Variants in NPAS3 observed in about 807,000 individuals in gnomAD.
The protein encoded by NPAS3 is neuronal PAS domain-containing protein 3.
Under a neutral mutation model 73.1 loss-of-function variants are expected in NPAS3, and 14 were observed. The ratio of observed to expected loss-of-function variants is 0.19; its 90% confidence interval spans 0.13 to 0.30. NPAS3 has a LOEUF of 0.30. NPAS3 is among the 10% of genes least tolerant of loss of function. The probability of loss-of-function intolerance (pLI) is 1.00; values close to 1 mark genes in which losing one functional copy is unlikely to be tolerated. For missense variants in NPAS3, 1,096 were observed against 1,250.0 expected, an observed-to-expected ratio of 0.88 and a Z score of 1.86; for synonymous variants, 620 against 541.5, an observed-to-expected ratio of 1.14 and a Z score of -2.01.
rs138793319 is a variant in NPAS3, at chr14:33,146,620, A to G, written c.141-68562A>G. On this transcript the variant is annotated intron_variant, in intron 2 of 11. Coordinates refer to ENST00000356141, the Ensembl canonical transcript of NPAS3. ...TGCAGAAGAGGAAAACAACAACAGT[A>G]ATATTCTACAATAAAAGACTGTTCT... 2.6e-3 allele frequency among the ~76,000 whole-genome samples: 402 copies of G among 152,328 alleles called. 2 individuals carry two copies. The highest frequency in any genetic ancestry group is 9.3e-3 in the African/African-American group (386 of 41,574).
intron 4 of NPAS3, among the ~76,000 whole-genome samples, chr14:33,427,517 A>G (rs1372791712): frequency 6.6e-6 from 1 of 151,596 alleles, no homozygotes; most frequent in Non-Finnish European, 1.5e-5. Flanking sequence ...GTGCCGGAGC[A>G]TCACCCTCTC....
intron 3 of NPAS3, among the ~76,000 whole-genome samples, chr14:33,273,277 G>A (rs1034976914): frequency 4.0e-4 from 61 of 152,108 alleles, no homozygotes; most frequent in Admixed American, 2.5e-3. Flanking sequence ...TTGGTTCTGA[G>A]TTCATCCTCT....
chr14:33,376,438 C>T (rs1724247886), intron 4 of NPAS3, among the ~76,000 whole-genome samples: 1 of 151,836 alleles, frequency 6.6e-6, no homozygotes, highest in Non-Finnish European at 1.5e-5. Context: ...TCAGTATATG[C>T]TTTTTTTTCC....
chr14:33,259,438 T>G (rs1462811084), intron 3 of NPAS3, among the ~76,000 whole-genome samples: 2 of 152,230 alleles, frequency 1.3e-5, no homozygotes, highest in African/African-American at 2.4e-5. Context: ...TTTACTTTTA[T>G]GATTTCACTT....
intron 6 of NPAS3, among the ~76,000 whole-genome samples, chr14:33,719,694 G>T (rs1225188358): frequency 2.0e-5 from 3 of 152,066 alleles, no homozygotes; most frequent in African/African-American, 7.2e-5. Context: ...TCTCTTCAAC[G>T]AGTCACCAGC....
At chr14:33,768,384 A>T (rs180693962) in intron 7 of NPAS3, among the ~76,000 whole-genome samples, 1 of 152,240 alleles carries the variant, frequency 6.6e-6, no homozygotes, top group Non-Finnish European at 1.5e-5. Context: ...AGACCAGATT[A>T]AGATGAACTT....
chr14:33,664,385 C>G (rs2059393660), intron 5 of NPAS3, among the ~76,000 whole-genome samples: 1 of 152,152 alleles, frequency 6.6e-6, no homozygotes, highest in African/African-American at 2.4e-5. Context: ...GGATTAAAGA[C>G]TTAAACATAA....
At chr14:33,505,779 A>ATGTCCAT (rs1268603811) in intron 4 of NPAS3, among the ~76,000 whole-genome samples, 2 of 151,964 alleles carry the variant, frequency 1.3e-5, no homozygotes, top group South Asian at 4.1e-4. Context: ...AAATGCCCTG[A>ATGTCCAT]TGTCCATTGG....
At chr14:33,565,191 A>G (rs1351901580) in intron 5 of NPAS3, among the ~76,000 whole-genome samples, 1 of 152,204 alleles carries the variant, frequency 6.6e-6, no homozygotes, top group Non-Finnish European at 1.5e-5. Flanking sequence ...ATTTTTTTTA[A>G]GCCATGCAGA....
At chr14:33,272,001 G>C (rs2041113038) in intron 3 of NPAS3, among the ~76,000 whole-genome samples, 1 of 152,094 alleles carries the variant, frequency 6.6e-6, no homozygotes, top group Non-Finnish European at 1.5e-5. Context: ...TTAAGTGACT[G>C]TAAATTTTCA....
chr14:33,232,424 A>G (rs1294235552), intron 3 of NPAS3, among the ~76,000 whole-genome samples: 1 of 152,192 alleles, frequency 6.6e-6, no homozygotes, highest in Non-Finnish European at 1.5e-5. Flanking sequence ...AATACACTCA[A>G]TCTGTTTTTC....
chr14:33,330,247 A>T (rs2043922285), intron 3 of NPAS3, among the ~76,000 whole-genome samples: 1 of 152,180 alleles, frequency 6.6e-6, no homozygotes, highest in Admixed American at 6.5e-5. Flanking sequence ...CATCTCAAAA[A>T]CAACAACCAC....
At chr14:33,231,264 T>G (rs772354826) in intron 3 of NPAS3, among the ~76,000 whole-genome samples, 1 of 152,226 alleles carries the variant, frequency 6.6e-6, no homozygotes, top group Non-Finnish European at 1.5e-5. Flanking sequence ...CAATTTGTAT[T>G]TTGTAAAATC....
At chr14:33,145,721 T>A (rs974212583) in intron 2 of NPAS3, among the ~76,000 whole-genome samples, 4 of 152,166 alleles carry the variant, frequency 2.6e-5, no homozygotes, top group African/African-American at 9.7e-5. Context: ...TCCTATTGCC[T>A]ATTCGTTTCT....
chr14:33,480,555 C>T (rs1372692407), intron 4 of NPAS3, among the ~76,000 whole-genome samples: 2 of 117,516 alleles, frequency 1.7e-5, no homozygotes, highest in African/African-American at 3.5e-5. Flanking sequence ...CACCCTTCCT[C>T]CCTCCCTCCC....
rs1188132236 is a variant in NPAS3, at chr14:32,984,999, A to C, written c.50+45633A>C. Among the ~76,000 whole-genome samples, 3 of 152,176 alleles carry C rather than the reference A, an allele frequency of 2.0e-5. No individual in the cohort carries two copies. In the South Asian group the frequency reaches 6.2e-4, roughly 31 times the overall value. On this transcript the variant is annotated intron_variant, in intron 1 of 11. Transcript: ENST00000356141. ...GTTGCAAACTAATTAAGTCCTGGGT[A>C]TAATGTGCATAAAAATATACATAAT...
chr14:33,506,080 G>A (rs1333249376), intron 4 of NPAS3, among the ~76,000 whole-genome samples: 1 of 151,848 alleles, frequency 6.6e-6, no homozygotes, highest in Non-Finnish European at 1.5e-5. Context: ...ATGCCACCCT[G>A]CCACTCCCTA....
intron 4 of NPAS3, among the ~76,000 whole-genome samples, chr14:33,558,276 T>G (rs1313981926): frequency 6.6e-6 from 1 of 152,074 alleles, no homozygotes; most frequent in Non-Finnish European, 1.5e-5. Context: ...CTTTTTTTTT[T>G]TTGAGACAGA....
chr14:33,401,355 A>G (rs1035405323), intron 4 of NPAS3, among the ~76,000 whole-genome samples: 4 of 152,168 alleles, frequency 2.6e-5, no homozygotes, highest in Non-Finnish European at 5.9e-5. Flanking sequence ...TAGCATTTCC[A>G]GGAAGCTTTC....
Sources: allele counts gnomAD v4.1 joint callset (sites outside exome capture counted in the v4.1 genomes callset), GRCh38; gene constraint gnomAD v4.1.1; transcripts MANE v1.5; gene names NCBI Gene and HGNC (gene_info 2026-07-23, HGNC 2026-07-21).